Variants in NRXN1 observed in about 807,000 individuals in gnomAD.
The protein encoded by NRXN1 is neurexin 1, also known as neurexin-1.
A neutral mutation model predicts 150.9 loss-of-function variants in NRXN1; 39 were observed. That is an observed-to-expected ratio of 0.26 (90% CI 0.20 to 0.34). NRXN1 has a LOEUF of 0.34. NRXN1 is among the 10% of genes least tolerant of loss of function. NRXN1 has a pLI of 1.00. For missense variants in NRXN1, 1,815 were observed against 1,949.9 expected (o/e 0.93, Z 1.30); for synonymous variants, 924 against 757.0 (o/e 1.22, Z -3.62).
chr2:50,988,064 A>G lies in NRXN1; in HGVS notation c.772+39438T>C, dbSNP rs117437260. On this transcript the variant is annotated intron_variant, in intron 2 of 22. Coordinates refer to ENST00000401669, the MANE Select transcript of NRXN1 (RefSeq NM_001330078.2). ...ATACACTACTCAGGTCTATTCAGGG[A>G]ACTGGGATAGTTCTGATGCAACAGT... 1.9e-3 allele frequency among the ~76,000 whole-genome samples: 287 copies of G among 152,068 alleles called. 5 individuals carry two copies. The East Asian group carries it at 0.035, about 19-fold the overall frequency.
chr2:50,577,236 A>AT (rs1298461054), intron 8 of NRXN1, among the ~76,000 whole-genome samples: 3 of 152,068 alleles, frequency 2.0e-5, no homozygotes, highest in Non-Finnish European at 2.9e-5. Context: ...TAGAACATTC[A>AT]TTTTTTGTCC....
chr2:50,753,785 A>C (rs964717996), intron 5 of NRXN1, among the ~76,000 whole-genome samples: 2 of 151,904 alleles, frequency 1.3e-5, no homozygotes, highest in African/African-American at 4.8e-5. Context: ...ATCATGTTCT[A>C]TGTAGCCTGA....
intron 5 of NRXN1, among the ~76,000 whole-genome samples, chr2:50,746,389 A>C (rs2105304593): frequency 6.6e-6 from 1 of 151,966 alleles, no homozygotes; most frequent in Middle Eastern, 3.4e-3. Context: ...GAAACCTCAT[A>C]TCTACAAAAA....
Position 50,637,997 on chromosome 2 carries a change from G to A in NRXN1, c.833-14382C>T, listed in dbSNP as rs1461028959. On this transcript the variant is annotated intron_variant, in intron 5 of 22. Transcript: ENST00000401669. ...ATGAATTTCAGCTGAATTGTGACAA[G>A]CTTTATTTCAATTGTGCATCTTTAT... Among the ~76,000 whole-genome samples, 7 of 152,180 alleles carry A rather than the reference G, an allele frequency of 4.6e-5. No individual in the cohort carries two copies. In the East Asian group the frequency reaches 7.7e-4, roughly 17 times the overall value.
In NRXN1 at chr2:50,470,535, T is replaced by C. The variant is rs79589211; in HGVS notation, c.3244+1763A>G. Among the ~76,000 whole-genome samples, 612 of 151,982 alleles carry C rather than the reference T, an allele frequency of 4.0e-3. 1 individual carries two copies. Among genetic ancestry groups the C allele is most frequent in the Admixed American group, 7.0e-3 (107 of 15,214 alleles). ...GAGGAAAAAAATGTATTTTCAAATA[T>C]AAAATTTCCATGTACTTAAGTAATT... On this transcript the variant is annotated intron_variant, in intron 16 of 22. Coordinates refer to ENST00000401669, the MANE Select transcript of NRXN1 (RefSeq NM_001330078.2).
chr2:50,522,720 A>T (rs2058753), intron 12 of NRXN1, among the ~76,000 whole-genome samples: 22,745 of 47,844 alleles, frequency 0.48, 7,820 homozygotes, highest in African/African-American at 0.68. Flanking sequence ...ATTTTTATTC[A>T]TTTTTTTTTT....
At chr2:50,222,010 G>A (rs1473248787) in intron 18 of NRXN1, among the ~76,000 whole-genome samples, 1 of 151,862 alleles carries the variant, frequency 6.6e-6, no homozygotes, top group Non-Finnish European at 1.5e-5. Flanking sequence ...CGAGTCCTGG[G>A]GACTGCAGGA....
chr2:50,805,128 G>A (rs1183076757), intron 5 of NRXN1, among the ~76,000 whole-genome samples: 3 of 151,912 alleles, frequency 2.0e-5, no homozygotes, highest in Non-Finnish European at 1.5e-5. Context: ...TAATATATGT[G>A]TTAGCTGTTA....
intron 21 of NRXN1, among the ~76,000 whole-genome samples, chr2:49,994,254 G>A (rs1682537075): frequency 6.6e-6 from 1 of 152,132 alleles, no homozygotes; most frequent in African/African-American, 2.4e-5. Flanking sequence ...CTTTCTTATT[G>A]TGGAAACCAA....
rs898934669 is a variant in NRXN1 at position 50,098,769 on chromosome 2, C to T, written c.3547-7275G>A. ...GGAAAATGTCTTGAAACTAAGGCACCCTTAGAGGATGAGTCAAGAGGAGGG... is the reference window on the plus strand; with the variant it reads ...GGAAAATGTCTTGAAACTAAGGCACTCTTAGAGGATGAGTCAAGAGGAGGG... On this transcript the variant is annotated intron_variant, in intron 18 of 22. Coordinates refer to ENST00000401669, the MANE Select transcript of NRXN1 (RefSeq NM_001330078.2). Among the ~76,000 whole-genome samples the T allele has an allele frequency of 2.1e-5, 3 of 140,232 alleles. No individual in the cohort carries two copies. The Admixed American group carries it at 2.2e-4, about 10-fold the overall frequency. The allele number at this position is 140,232 out of a possible 152,430, so 92.0% of individuals were successfully genotyped here.
intron 5 of NRXN1, among the ~76,000 whole-genome samples, chr2:50,724,771 T>A (rs1383569379): frequency 6.6e-6 from 1 of 152,176 alleles, no homozygotes; most frequent in Non-Finnish European, 1.5e-5. Context: ...TGTGTGTGTG[T>A]GATGAGGTAT....
intron 18 of NRXN1, among the ~76,000 whole-genome samples, chr2:50,193,735 A>C (rs749745427): frequency 3.5e-4 from 53 of 152,302 alleles, no homozygotes; most frequent in South Asian, 1.0e-3. Flanking sequence ...TACTCATAGA[A>C]AAATGGGGTC....
At chr2:50,283,816 A>G (rs539769451) in intron 17 of NRXN1, among the ~76,000 whole-genome samples, 36 of 152,226 alleles carry the variant, frequency 2.4e-4, no homozygotes, top group African/African-American at 8.2e-4. Flanking sequence ...GCCCCTATTA[A>G]AAGTCCCTCT....
chr2:50,456,600 A>T (rs1015313195), intron 17 of NRXN1, among the ~76,000 whole-genome samples: 1 of 151,850 alleles, frequency 6.6e-6, no homozygotes. Flanking sequence ...TCACAGTAAT[A>T]TTTTTTTTCC....
At chr2:50,329,648 TATATATATATATATATATATATA>T (rs1558536867) in intron 17 of NRXN1, among the ~76,000 whole-genome samples, 17 of 10,122 alleles carry the variant, frequency 1.7e-3, no homozygotes, top group African/African-American at 3.0e-3. Flanking sequence ...TATATATATA[TATATATATATATATATATATATA>T]TATTTTTTTT....
At chr2:50,782,076 C>G (rs1038220089) in intron 5 of NRXN1, among the ~76,000 whole-genome samples, 1 of 151,550 alleles carries the variant, frequency 6.6e-6, no homozygotes, top group Non-Finnish European at 1.5e-5. Flanking sequence ...AAAATGTTTT[C>G]TTTTCTTGAA....
At chr2:50,423,214 A>T (rs2084140719) in intron 17 of NRXN1, among the ~76,000 whole-genome samples, 1 of 152,056 alleles carries the variant, frequency 6.6e-6, no homozygotes, top group South Asian at 2.1e-4. Context: ...TGGTTCTTTC[A>T]TCTGATTTAT....
At chr2:50,578,438 T>C (rs1020864237) in intron 8 of NRXN1, among the ~76,000 whole-genome samples, 2 of 152,176 alleles carry the variant, frequency 1.3e-5, no homozygotes, top group East Asian at 1.9e-4. Flanking sequence ...GAGATTCATA[T>C]AGAATTGTAA....
chr2:50,951,041 G>C (rs1691242255), intron 2 of NRXN1, among the ~76,000 whole-genome samples: 1 of 152,126 alleles, frequency 6.6e-6, no homozygotes. Flanking sequence ...CAAAAAATGT[G>C]AGGTCCCTGT....
Sources: gnomAD v4.1 joint callset for allele counts (sites outside exome capture counted in the v4.1 genomes callset) on GRCh38, gnomAD v4.1.1 for gene constraint, MANE v1.5 for transcripts, NCBI Gene and HGNC (gene_info 2026-07-23, HGNC 2026-07-21) for gene names.